CALD1: variants seen among roughly 807,000 people sequenced by gnomAD.
CALD1 encodes the protein caldesmon.
Under a neutral mutation model 99.9 loss-of-function variants are expected in CALD1, and 33 were observed. That is an observed-to-expected ratio of 0.33 (90% confidence interval 0.25 to 0.44). The LOEUF is 0.44. Among genes scored for constraint, CALD1 ranks in the 20% least tolerant of loss-of-function variants. The pLI, the probability that CALD1 is intolerant of heterozygous loss-of-function variation, is 1.00. For missense variants in CALD1, 861 were observed against 962.1 expected, an observed-to-expected ratio of 0.89 and a Z score of 1.39; for synonymous variants, 310 against 325.0, an observed-to-expected ratio of 0.95 and a Z score of 0.50.
At chr7:134,891,162 T>C (rs1433064781) in intron 3 of CALD1, among the ~76,000 whole-genome samples, 1 of 152,212 alleles carries the variant, frequency 6.6e-6, no homozygotes, top group African/African-American at 2.4e-5. Flanking sequence ...GCTGAGCAAA[T>C]GCATCAGTGT....
intron 1 of CALD1, among the ~76,000 whole-genome samples, chr7:134,762,565 G>T (rs974827377): frequency 6.6e-6 from 1 of 152,196 alleles, no homozygotes; most frequent in Non-Finnish European, 1.5e-5. Flanking sequence ...CAGGAAGCAT[G>T]ATGCTGACAT....
At chr7:134,777,686 A>G (rs1160522409), upstream of CALD1, among the ~76,000 whole-genome samples, 2 of 152,304 alleles carry the variant, frequency 1.3e-5, no homozygotes, top group East Asian at 3.9e-4. Flanking sequence ...TATGGAGAAT[A>G]CCACCTGGAG....
At chr7:134,901,416 C>T (rs913344759) in intron 3 of CALD1, among the ~76,000 whole-genome samples, 2 of 151,958 alleles carry the variant, frequency 1.3e-5, no homozygotes, top group Non-Finnish European at 2.9e-5. Context: ...TTACTCAGTG[C>T]TCAAGGGGTG....
Position 134,968,409 on chromosome 7 carries a change from G to A in CALD1, c.*64G>A, listed in dbSNP as rs551282156. On this transcript the variant is annotated 3_prime_UTR_variant, in exon 15 of 15. Coordinates refer to ENST00000361675, the MANE Select transcript of CALD1 (RefSeq NM_033138.4). Reference sequence around the variant, plus strand: ...GAGCTCAGTTGTAGAGGGCTAATTCGCTCTGTTTTGTATTTATGTTGATTT... The same window carrying A: ...GAGCTCAGTTGTAGAGGGCTAATTCACTCTGTTTTGTATTTATGTTGATTT... 62 of 1,452,252 alleles carry A rather than the reference G, an allele frequency of 4.3e-5. No homozygotes were observed. Among genetic ancestry groups the A allele is most frequent in the East Asian group, 1.1e-4 (5 of 44,152 alleles). 90.0% of individuals were successfully genotyped at this position (1,452,252 alleles called of 1,614,324 possible).
chr7:134,731,172 C>T, the CALD1 span, among the ~76,000 whole-genome samples: 1 of 152,216 alleles, frequency 6.6e-6, no homozygotes, highest in East Asian at 1.9e-4. Flanking sequence ...CTTCCACACT[C>T]TCTCTCTCTT....
intron 1 of CALD1, among the ~76,000 whole-genome samples, chr7:134,811,671 T>C (rs573710813): frequency 6.6e-6 from 1 of 152,272 alleles, no homozygotes; most frequent in East Asian, 1.9e-4. Context: ...TTACAAGCGA[T>C]CTAGTAAAAA....
intron 2 of CALD1, among the ~76,000 whole-genome samples, chr7:134,860,851 G>A (rs1366901764): frequency 1.3e-5 from 2 of 152,124 alleles, no homozygotes; most frequent in African/African-American, 4.8e-5. Flanking sequence ...AGTAAAATTT[G>A]AGCATGAAAT....
chr7:134,779,752 A>G lies in CALD1; in HGVS notation c.-130+3A>G. 1 of 398,508 alleles carries G rather than the reference A, an allele frequency of 2.5e-6. No homozygotes were observed. Among genetic ancestry groups the G allele is most frequent in the Non-Finnish European group, 4.4e-6 (1 of 226,014 alleles). The allele number at this position is 398,508 out of a possible 1,614,324, so 24.7% of individuals were successfully genotyped here. On this transcript the variant is annotated splice_donor_region_variant and intron_variant, in intron 1 of 14. Transcript: ENST00000361675. ...GGGAAGAAGTTTCAGACTACAAGGT[A>G]AGGCACAGAAGGCTTTCTTTTTTAT...
Position 134,933,077 on chromosome 7 carries a change from G to C in CALD1, c.308G>C (p.Arg103Pro). Residue 103 changes from arginine to proline, a missense_variant, in exon 5 of 15, where the codon CGT becomes CCT. Transcript: ENST00000361675. Reference protein sequence around the residue: ...EAAFLERLARREERRQKRLQE... With the variant: ...EAAFLERLARPEERRQKRLQE... ...GCATTCCTGGAGCGCCTGGCTCGGC[G>C]TGAGGAAAGACGCCAAAAACGCCTT... The C allele has an allele frequency of 6.2e-7, 1 of 1,614,024 alleles. No homozygotes were observed. Among genetic ancestry groups the C allele is most frequent in the Non-Finnish European group, 8.5e-7 (1 of 1,179,994 alleles).
intron 1 of CALD1, among the ~76,000 whole-genome samples, chr7:134,766,309 C>A (rs1796826644): frequency 6.6e-6 from 1 of 151,814 alleles, no homozygotes; most frequent in Non-Finnish European, 1.5e-5. Context: ...CCACACCCGG[C>A]TAATTCTTGT....
intron 4 of CALD1, among the ~76,000 whole-genome samples, chr7:134,929,399 A>G (rs989338482): frequency 4.0e-5 from 6 of 150,286 alleles, no homozygotes; most frequent in African/African-American, 1.2e-4. Context: ...ACACCCTCCT[A>G]CCTTTCTCCC....
intron 1 of CALD1, among the ~76,000 whole-genome samples, chr7:134,759,611 C>G (rs17168024): frequency 0.19 from 28,742 of 152,018 alleles, 2,858 homozygotes; most frequent in African/African-American, 0.23. Context: ...GGCAGATTCG[C>G]GAGGGATGTC....
chr7:134,862,331 C>T lies in CALD1; in HGVS notation c.-41-5362C>T, dbSNP rs140955549. On this transcript the variant is annotated intron_variant, in intron 2 of 14. Transcript: ENST00000361675. ...GAAATTCCATAAAATGGGGATTATA[C>T]TAGCTACCTCACAGATCTGTTACCC... Among the ~76,000 whole-genome samples the T allele has an allele frequency of 5.5e-4, 83 of 152,272 alleles. No individual in the cohort carries two copies. The East Asian group carries it at 0.015, about 27-fold the overall frequency.
the CALD1 span, among the ~76,000 whole-genome samples, chr7:134,727,395 T>C: frequency 6.6e-6 from 1 of 152,214 alleles, no homozygotes; most frequent in African/African-American, 2.4e-5. Flanking sequence ...AGAACAAAAT[T>C]TTAACAAATG....
chr7:134,863,091 T>A (rs966234260), intron 2 of CALD1, among the ~76,000 whole-genome samples: 1 of 152,116 alleles, frequency 6.6e-6, no homozygotes, highest in Non-Finnish European at 1.5e-5. Context: ...AAGGACACCA[T>A]CATATTGGAT....
intron 3 of CALD1, among the ~76,000 whole-genome samples, chr7:134,871,718 T>C (rs1374971403): frequency 6.6e-6 from 1 of 152,162 alleles, no homozygotes. Flanking sequence ...CCATAAAAGC[T>C]TTTCAAATAA....
At chr7:134,785,956 A>C (rs535684376) in intron 1 of CALD1, among the ~76,000 whole-genome samples, 13 of 152,280 alleles carry the variant, frequency 8.5e-5, no homozygotes, top group African/African-American at 3.1e-4. Context: ...AGTACATATA[A>C]CTTTTCATCT....
At chr7:134,924,007 G>A (rs1563099550) in intron 3 of CALD1, among the ~76,000 whole-genome samples, 1 of 152,106 alleles carries the variant, frequency 6.6e-6, no homozygotes, top group Non-Finnish European at 1.5e-5. Context: ...TAGAAAATTG[G>A]TTAGTCATAA....
chr7:134,934,284 A>T (rs1240195219), intron 5 of CALD1, among the ~76,000 whole-genome samples: 30 of 152,210 alleles, frequency 2.0e-4, no homozygotes, highest in Non-Finnish European at 5.9e-5. Context: ...TTACTGGGAC[A>T]GCCAGTAAAT....
Sources: allele counts gnomAD v4.1 joint callset (sites outside exome capture counted in the v4.1 genomes callset), GRCh38; gene constraint gnomAD v4.1.1; transcripts MANE v1.5; gene names NCBI Gene and HGNC (gene_info 2026-07-23, HGNC 2026-07-21).